Variants in BCKDHB observed in about 807,000 individuals in gnomAD.
The protein encoded by BCKDHB is 2-oxoisovalerate dehydrogenase subunit beta, mitochondrial.
Under a neutral mutation model 48.5 loss-of-function variants are expected in BCKDHB, and 41 were observed. The observed-to-expected ratio is 0.85, with a 90% CI of 0.66 to 1.10. BCKDHB has a LOEUF of 1.10. BCKDHB is among the 50% of genes least tolerant of loss of function. The probability of loss-of-function intolerance (pLI) is 0.00; values close to 1 mark genes in which losing one functional copy is unlikely to be tolerated. For synonymous variants in BCKDHB, 201 were observed against 174.8 expected (o/e 1.15, Z -1.18); for missense variants, 496 against 494.2 (o/e 1.00, Z -0.03).
chr6:80,302,237 A>G (rs1767623810), intron 9 of BCKDHB, among the ~76,000 whole-genome samples: 1 of 152,210 alleles, frequency 6.6e-6, no homozygotes, highest in South Asian at 2.1e-4. Flanking sequence ...ATATGATTTT[A>G]TACTTAGAAA....
At chr6:80,178,567 G>T (rs1312186401) in intron 6 of BCKDHB, among the ~76,000 whole-genome samples, 1 of 152,174 alleles carries the variant, frequency 6.6e-6, no homozygotes, top group East Asian at 1.9e-4. Flanking sequence ...ATCCATGTGT[G>T]TACCTGCCTA....
At chr6:80,419,095 C>T in the BCKDHB span, among the ~76,000 whole-genome samples, 8 of 152,120 alleles carry the variant, frequency 5.3e-5, no homozygotes, top group Non-Finnish European at 1.2e-4. Flanking sequence ...CTGCCAAGAC[C>T]TCATCTGCAA....
the BCKDHB span, among the ~76,000 whole-genome samples, chr6:80,387,173 C>T: frequency 6.6e-6 from 1 of 152,148 alleles, no homozygotes; most frequent in Non-Finnish European, 1.5e-5. Context: ...GGTTTTAGCT[C>T]AGCTCTGACT....
chr6:80,255,844 TAA>T lies in BCKDHB; in HGVS notation c.952-17289_952-17288del, dbSNP rs149316246. Among the ~76,000 whole-genome samples the T allele has an allele frequency of 3.0e-3, 450 of 152,312 alleles. 1 individual carries two copies. The highest frequency in any genetic ancestry group is 0.01 in the African/African-American group (435 of 41,566). ...GTTACTAGAGAAAATATGAAGGACA[TAA>T]AGATGTCAGATGTACTATCCTAGTC... On this transcript the variant is annotated intron_variant, in intron 8 of 9. Coordinates refer to ENST00000320393, the MANE Select transcript of BCKDHB (RefSeq NM_183050.4).
At chr6:80,256,639 T>G (rs1257636858) in intron 8 of BCKDHB, among the ~76,000 whole-genome samples, 1 of 152,204 alleles carries the variant, frequency 6.6e-6, no homozygotes, top group Non-Finnish European at 1.5e-5. Context: ...TATACTTTCA[T>G]TTTTTATTTG....
At chr6:80,193,454 C>T (rs1465193784) in intron 6 of BCKDHB, among the ~76,000 whole-genome samples, 2 of 152,138 alleles carry the variant, frequency 1.3e-5, no homozygotes, top group East Asian at 1.9e-4. Context: ...CGTGATGGCT[C>T]ACGCCTGTAA....
intron 3 of BCKDHB, among the ~76,000 whole-genome samples, chr6:80,156,403 A>G (rs778949124): frequency 6.6e-6 from 1 of 152,138 alleles, no homozygotes; most frequent in African/African-American, 2.4e-5. Context: ...GCCACACCCA[A>G]AAGAACCTGC....
chr6:80,392,701 A>C, the BCKDHB span, among the ~76,000 whole-genome samples: 382 of 151,740 alleles, frequency 2.5e-3, 3 homozygotes, highest in African/African-American at 8.7e-3. Context: ...TTTTTCTGTC[A>C]CCAAAACTGT....
intron 9 of BCKDHB, among the ~76,000 whole-genome samples, chr6:80,318,145 A>G (rs1768537443): frequency 6.6e-6 from 1 of 152,158 alleles, no homozygotes; most frequent in Non-Finnish European, 1.5e-5. Flanking sequence ...TTCCTCTATA[A>G]AGAGAAGTTT....
At chr6:80,360,439 T>C in the BCKDHB span, among the ~76,000 whole-genome samples, 2 of 152,186 alleles carry the variant, frequency 1.3e-5, no homozygotes, top group Non-Finnish European at 2.9e-5. Flanking sequence ...ATAATGGAAT[T>C]TGTGGTACTC....
At chr6:80,163,703 G>A (rs1772434502) in intron 3 of BCKDHB, among the ~76,000 whole-genome samples, 1 of 152,148 alleles carries the variant, frequency 6.6e-6, no homozygotes, top group African/African-American at 2.4e-5. Context: ...AGCTCTACCT[G>A]AATATCTGAG....
rs1197614994 is a variant in BCKDHB, at chr6:80,168,991, G to A, written c.594G>A (p.Gln198=). ...CVGHGALYHS[Q]SPEAFFAHCP... is the part of the protein sequence containing the mutation. Reference sequence around the variant, plus strand: ...GTCATGGGGCTCTCTATCATTCTCAGAGTCCTGAAGCATTTTTTGCCCATT... The same window carrying A: ...GTCATGGGGCTCTCTATCATTCTCAAAGTCCTGAAGCATTTTTTGCCCATT... Residue 198 remains glutamine (Q), a synonymous_variant, in exon 5 of 10, where the codon CAG becomes CAA. Coordinates refer to ENST00000320393, the MANE Select transcript of BCKDHB (RefSeq NM_183050.4). 1 of 1,614,018 alleles carries A rather than the reference G, an allele frequency of 6.2e-7. No individual in the cohort carries two copies. The highest frequency in any genetic ancestry group is 8.5e-7 in the Non-Finnish European group (1 of 1,179,876).
At chr6:80,346,442 A>G (rs192389111), downstream of BCKDHB, among the ~76,000 whole-genome samples, 236 of 152,308 alleles carry the variant, frequency 1.5e-3, 2 homozygotes, top group Middle Eastern at 6.8e-3. Context: ...GGATGGTTAT[A>G]TGTTGACAGA....
intron 8 of BCKDHB, among the ~76,000 whole-genome samples, chr6:80,240,429 A>G (rs906946575): frequency 6.6e-6 from 1 of 152,124 alleles, no homozygotes; most frequent in Non-Finnish European, 1.5e-5. Context: ...CTTTGAAGCA[A>G]TTGTGAATGG....
the BCKDHB span, chr6:80,374,153 G>A: frequency 4.2e-6 from 3 of 714,716 alleles, no homozygotes; most frequent in African/African-American, 3.5e-5. Flanking sequence ...GAGAGCTCAT[G>A]TATGGGTTAA....
intron 3 of BCKDHB, 67 bp downstream of exon 3, chr6:80,129,296 A>T (rs572541930): frequency 7.3e-7 from 1 of 1,372,216 alleles, no homozygotes; most frequent in Non-Finnish European, 1.0e-6. Flanking sequence ...AAAATACAAA[A>T]TATGCCTACT....
intron 9 of BCKDHB, among the ~76,000 whole-genome samples, chr6:80,302,709 A>T (rs1396061151): frequency 1.3e-5 from 2 of 152,158 alleles, no homozygotes; most frequent in African/African-American, 4.8e-5. Flanking sequence ...AGTTATTTCT[A>T]TCGATTGCAC....
chr6:80,288,668 A>G (rs3805883), intron 9 of BCKDHB, among the ~76,000 whole-genome samples: 1,728 of 152,206 alleles, frequency 0.011, 46 homozygotes, highest in Admixed American at 0.065. Context: ...ATGCTGCAAT[A>G]TGTGATTGCC....
At chr6:80,324,537 C>CAT (rs35691033) in intron 9 of BCKDHB, among the ~76,000 whole-genome samples, 53,622 of 150,742 alleles carry the variant, frequency 0.36, 9,613 homozygotes, top group African/African-American at 0.41. Context: ...AACATTCTAG[C>CAT]ATATATATAT....
Sources: allele counts gnomAD v4.1 joint callset (sites outside exome capture counted in the v4.1 genomes callset), GRCh38; gene constraint gnomAD v4.1.1; transcripts MANE v1.5; gene names NCBI Gene and HGNC (gene_info 2026-07-23, HGNC 2026-07-21).